The following SLC19A1 variants were observed in gnomAD, a reference collection of about 807,000 sequenced individuals.
The protein encoded by SLC19A1 is solute carrier family 19 member 1, also known as reduced folate transporter.
Under a neutral mutation model 35.3 loss-of-function variants are expected in SLC19A1, and 37 were observed. That is an observed-to-expected ratio of 1.05 (90% CI 0.81 to 1.38). The LOEUF (loss-of-function observed/expected upper bound fraction) is 1.38. Among genes scored for constraint, SLC19A1 ranks in the 40% most tolerant of loss-of-function variants. The pLI is 0.00. For missense variants in SLC19A1, 831 were observed against 826.9 expected (o/e 1.00, Z -0.06); for synonymous variants, 460 against 398.5 (o/e 1.15, Z -1.84).
rs576654195 is a variant in SLC19A1, at chr21:45,504,696, C to A, written c.498-6084G>T. 19 of 748,358 alleles carry A rather than the reference C, an allele frequency of 2.5e-5. No individual in the cohort carries two copies. The East Asian group carries it at 4.9e-4, about 19-fold the overall frequency. 46.4% of individuals were successfully genotyped at this position (748,358 alleles called of 1,614,324 possible). On this transcript the variant is annotated intron_variant, in intron 3 of 4. Transcript: ENST00000417954. ...CTCAGCAGCCCCGACATGTCCCTGT[C>A]CCCGTGTGGGGACGCAGCAGGCCAC...
At chr21:45,525,992 T>A in intron 4 of SLC19A1, 34 bp from the exon 5 acceptor site, 1 of 1,604,970 alleles carries the variant, frequency 6.2e-7, no homozygotes, top group Non-Finnish European at 8.5e-7. Flanking sequence ...CAGGCGCTGC[T>A]GGGAGAATAA....
Position 45,515,798 on chromosome 21 carries a change from A to G in SLC19A1, c.1636T>C (p.Cys546Arg). 6.2e-7 allele frequency: 1 copy of G among 1,612,478 alleles called. No individual in the cohort carries two copies. Among genetic ancestry groups the G allele is most frequent in the Non-Finnish European group, 8.5e-7 (1 of 1,179,178 alleles). Residue 546 changes from cysteine to arginine, a missense_variant, in exon 6 of 6, where the codon TGC (cysteine) becomes CGC (arginine). Transcript: ENST00000311124. ...FLSPVTTPSP[C>R]TLCSAQASGP... Reference sequence around the variant, plus strand: ...GAGGCTTGGGCGGAGCACAGAGTGCAGGGGGAAGGGGTTGTCACTGGGCTC... The same window carrying G: ...GAGGCTTGGGCGGAGCACAGAGTGCGGGGGGAAGGGGTTGTCACTGGGCTC...
chr21:45,553,364 C>A (rs1309827858), intron 1 of SLC19A1, among the ~76,000 whole-genome samples: 7 of 151,878 alleles, frequency 4.6e-5, no homozygotes, highest in African/African-American at 1.7e-4. Context: ...GGGATAAAGT[C>A]CAGAGGAGCC....
intron 1 of SLC19A1, among the ~76,000 whole-genome samples, chr21:45,550,061 A>G (rs2078450734): frequency 6.6e-6 from 1 of 151,942 alleles, no homozygotes; most frequent in African/African-American, 2.4e-5. Context: ...ATGTTGCAGC[A>G]TTGGCCAAAA....
intron 2 of SLC19A1, among the ~76,000 whole-genome samples, chr21:45,537,408 C>T (rs2078147701): frequency 6.6e-6 from 1 of 152,010 alleles, no homozygotes; most frequent in African/African-American, 2.4e-5. Flanking sequence ...TCCCCGCCCA[C>T]CCATAGGCGG....
At chr21:45,559,876 T>A (rs1008272222) in intron 1 of SLC19A1, among the ~76,000 whole-genome samples, 2 of 151,922 alleles carry the variant, frequency 1.3e-5, no homozygotes, top group African/African-American at 4.9e-5. Flanking sequence ...GTGACATCCA[T>A]TTCTGATGAT....
rs190374248 is a variant in SLC19A1 at position 45,504,021 on chromosome 21, G to A, written c.498-5409C>T. The A allele has an allele frequency of 2.1e-4, 342 of 1,613,616 alleles. 1 individual carries two copies. The East Asian group carries it at 5.8e-3, about 27-fold the overall frequency. Reference sequence around the variant, plus strand: ...GTCTCTCTCTTGCAGGGCAGTTTCCGTTTGACTTTCTTCAGTTGGAGGCTG... The same window carrying A: ...GTCTCTCTCTTGCAGGGCAGTTTCCATTTGACTTTCTTCAGTTGGAGGCTG... On this transcript the variant is annotated intron_variant, in intron 3 of 4. Transcript: ENST00000417954.
At chr21:45,536,517 C>A (rs1050026018) in intron 2 of SLC19A1, 1 of 152,836 alleles carries the variant, frequency 6.5e-6, no homozygotes, top group African/African-American at 2.4e-5. Context: ...CAGGGCAAGA[C>A]CCTGTCCTCG....
Position 45,514,716 on chromosome 21 carries a change from T to A in SLC19A1, c.*942A>T, listed in dbSNP as rs193037093. 5.3e-6 allele frequency: 2 copies of A among 374,118 alleles called. No homozygotes were observed. Among genetic ancestry groups the A allele is most frequent in the Admixed American group, 9.6e-5 (2 of 20,782 alleles). The allele number at this position is 374,118 out of a possible 1,614,324, so 23.2% of individuals were successfully genotyped here. A position where few individuals can be genotyped will look rare whatever the true frequency, so the allele number is the denominator to read the frequency against. On this transcript the variant is annotated 3_prime_UTR_variant, in exon 6 of 6. Coordinates refer to ENST00000311124, the MANE Select transcript of SLC19A1 (RefSeq NM_194255.4). ...CCTGAATCAGAAGCCCTGCGCACAC[T>A]CACTTAAGTGTGTTTAATGTATGTG... is the stretch of plus-strand genomic sequence containing the variant.
intron 3 of SLC19A1, chr21:45,504,346 G>A (rs2037051861): frequency 1.3e-6 from 2 of 1,515,176 alleles, no homozygotes; most frequent in African/African-American, 1.4e-5. Flanking sequence ...CCCTGGCTCG[G>A]GGGGATGGGA....
In SLC19A1 at chr21:45,514,710, G is replaced by A. The variant is rs535728145; in HGVS notation, c.*948C>T. Reference sequence around the variant, plus strand: ...GCCGGCCCTGAATCAGAAGCCCTGCGCACACTCACTTAAGTGTGTTTAATG... The same window carrying A: ...GCCGGCCCTGAATCAGAAGCCCTGCACACACTCACTTAAGTGTGTTTAATG... On this transcript the variant is annotated 3_prime_UTR_variant, in exon 6 of 6. Transcript: ENST00000311124. The A allele has an allele frequency of 4.2e-5, 15 of 358,412 alleles. No homozygotes were observed. In the South Asian group the frequency reaches 4.6e-4, roughly 11 times the overall value. 22.2% of individuals were successfully genotyped at this position (358,412 alleles called of 1,614,324 possible). A position where few individuals can be genotyped will look rare whatever the true frequency, so the allele number is the denominator to read the frequency against.
chr21:45,510,030 G>C (rs1039398372), downstream of SLC19A1: 2 of 1,536,990 alleles, frequency 1.3e-6, no homozygotes, highest in Non-Finnish European at 1.7e-6. Context: ...GGGCAGCGTG[G>C]GACACAGCCC....
downstream of SLC19A1, among the ~76,000 whole-genome samples, chr21:45,511,642 G>A (rs559783795): frequency 2.0e-5 from 3 of 152,208 alleles, no homozygotes; most frequent in African/African-American, 4.8e-5. Context: ...CTAGAAGAAC[G>A]CTTCGTCCCA....
At chr21:45,554,937 C>T (rs1038131718) in intron 1 of SLC19A1, among the ~76,000 whole-genome samples, 2 of 151,622 alleles carry the variant, frequency 1.3e-5, no homozygotes, top group Non-Finnish European at 1.5e-5. Flanking sequence ...GCCCCTTTGA[C>T]GACATCGGTA....
Position 45,513,707 on chromosome 21 carries a change from A to T in SLC19A1, c.*1951T>A, listed in dbSNP as rs2146170227. On this transcript the variant is annotated 3_prime_UTR_variant, in exon 6 of 6. Coordinates refer to ENST00000311124, the MANE Select transcript of SLC19A1 (RefSeq NM_194255.4). ...CAATTCAGACAGGCAAATAAAAGTG[A>T]CCTTTTACACTGACTCTTGGTTTGC... The T allele has an allele frequency of 6.6e-6, 1 of 152,274 alleles. No individual in the cohort carries two copies. The highest frequency in any genetic ancestry group is 2.1e-4 in the South Asian group (1 of 4,814). The allele number at this position is 152,274 out of a possible 1,614,324, so 9.4% of individuals were successfully genotyped here.
rs1001857980 is a variant in SLC19A1 at position 45,525,844 on chromosome 21, C to T, written c.1266G>A (p.Arg422=). The change falls in exon 5 of 6, where the codon CGG becomes CGA. Residue 422 remains arginine (R), a synonymous_variant. Coordinates refer to ENST00000311124, the MANE Select transcript of SLC19A1 (RefSeq NM_194255.4). ...TIITFIVSDV[R]GLGLPVRKQF... ...GCTTGCGGACCGGGAGGCCCAGGCC[C>T]CGCACGTCCGAGACAATGAAAGTGA... The T allele has an allele frequency of 4.3e-6, 7 of 1,613,276 alleles. No homozygotes were observed. In the Admixed American group the frequency reaches 1.2e-4, roughly 27 times the overall value.
chr21:45,531,324 G>C, intron 3 of SLC19A1, 65 bp downstream of exon 3: 1 of 1,521,456 alleles, frequency 6.6e-7, no homozygotes, highest in Non-Finnish European at 8.8e-7. Context: ...AAGGATCCAC[G>C]GGGCAGGCGG....
At chr21:45,509,498 C>A (rs2037443964), downstream of SLC19A1, 2 of 1,529,610 alleles carry the variant, frequency 1.3e-6, no homozygotes, top group East Asian at 2.4e-5. Flanking sequence ...CTGCCCGAGC[C>A]CCAGCCCTAC....
chr21:45,511,991 G>T (rs986024348), downstream of SLC19A1, among the ~76,000 whole-genome samples: 5 of 152,184 alleles, frequency 3.3e-5, no homozygotes, highest in Non-Finnish European at 1.5e-5. Flanking sequence ...GCAGCATGGG[G>T]GGCAGTCTGG....
Sources: allele counts gnomAD v4.1 joint callset (sites outside exome capture counted in the v4.1 genomes callset), GRCh38; gene constraint gnomAD v4.1.1; transcripts MANE v1.5; gene names NCBI Gene and HGNC (gene_info 2026-07-23, HGNC 2026-07-21).